Variants in PARP11 observed in about 807,000 individuals in gnomAD.
PARP11 encodes protein mono-ADP-ribosyltransferase PARP11.
PARP11 carries 31 observed loss-of-function variants against 42.9 expected under a neutral mutation model. The observed-to-expected ratio is 0.72, with a 90% CI of 0.54 to 0.98. PARP11 has a LOEUF of 0.98. PARP11 is among the 50% of genes least tolerant of loss of function. The pLI is 0.00. For missense variants in PARP11, 365 were observed against 413.1 expected (o/e 0.88, Z 1.01); for synonymous variants, 137 against 127.3 (o/e 1.08, Z -0.51).
chr12:3,812,360 A>G lies in PARP11; in HGVS notation c.780T>C (p.Ile260=). Residue 260 remains isoleucine, a synonymous_variant, in exon 8 of 8, where the codon ATT becomes ATC. Transcript: ENST00000228820. ...DDIKHGNTFQ[I]HGVSLQQRHL... The stretch of plus-strand genomic sequence containing the variant: ...GCCGCTGTTGCAAGCTGACACCATG[A>G]ATTTGGAATGTGTTCCCATGCTTTA... The G allele has an allele frequency of 6.2e-7, 1 of 1,614,172 alleles. No homozygotes were observed. Among genetic ancestry groups the G allele is most frequent in the Non-Finnish European group, 8.5e-7 (1 of 1,180,000 alleles).
In PARP11 at chr12:3,811,983, T is replaced by A; in HGVS notation, c.*140A>T. 1.6e-6 allele frequency: 1 copy of A among 643,606 alleles called. No homozygotes were observed. The highest frequency in any genetic ancestry group is 2.6e-6 in the Non-Finnish European group (1 of 387,820). 39.9% of individuals were successfully genotyped at this position (643,606 alleles called of 1,614,324 possible). A position where few individuals can be genotyped will look rare whatever the true frequency, so the allele number is the denominator to read the frequency against. On this transcript the variant is annotated 3_prime_UTR_variant, in exon 8 of 8. Transcript: ENST00000228820. ...AAACCAACCTTGAAGTCAGTATGTC[T>A]TTTTATATGGAGGCCACTTTTTTTC...
Position 3,840,717 on chromosome 12 carries a change from A to C in PARP11, c.19-10699T>G. 7.8e-7 allele frequency: 1 copy of C among 1,281,698 alleles called. No individual in the cohort carries two copies. Among genetic ancestry groups the C allele is most frequent in the East Asian group, 2.3e-5 (1 of 43,340 alleles). The allele number at this position is 1,281,698 out of a possible 1,614,324, so 79.4% of individuals were successfully genotyped here. On this transcript the variant is annotated intron_variant, in intron 1 of 7. Coordinates refer to ENST00000228820, the MANE Select transcript of PARP11 (RefSeq NM_020367.6). The surrounding 1 kb of genome is among the most constrained non-coding windows in gnomAD (Gnocchi z 4.4). ...AGAATGGATACAGAAGAACGAAAAG[A>C]CAAAGACTCTATTCATGGACATAGT...
At chr12:3,850,453 A>T (rs1565546545) in intron 1 of PARP11, among the ~76,000 whole-genome samples, 1 of 152,194 alleles carries the variant, frequency 6.6e-6, no homozygotes, top group Non-Finnish European at 1.5e-5. Context: ...TATAATATAC[A>T]GTTTATTCAA....
Position 3,812,124 on chromosome 12 carries a change from C to G in PARP11, c.1016G>C (p.Ter339SerextTer27). Residue 339 changes from the stop codon to serine, a stop_lost, in exon 8 of 8, where the codon TGA becomes TCA. Coordinates refer to ENST00000228820, the MANE Select transcript of PARP11 (RefSeq NM_020367.6). ...IYPEYLIDFH[*>S] ...GACCACCGAGATTTGGAAGTGAAAT[C>G]AATGAAAGTCTATCAAGTACTCAGG... 6.3e-7 allele frequency: 1 copy of G among 1,581,212 alleles called. No homozygotes were observed. Among genetic ancestry groups the G allele is most frequent in the Non-Finnish European group, 8.6e-7 (1 of 1,164,030 alleles).
chr12:3,823,645 G>A (rs1264391635), intron 4 of PARP11, among the ~76,000 whole-genome samples: 1 of 152,224 alleles, frequency 6.6e-6, no homozygotes, highest in African/African-American at 2.4e-5. Flanking sequence ...GCTGGGCGCG[G>A]TGGCTCATGC....
rs189849389 is a variant in PARP11, at chr12:3,847,402, T to C, written c.19-17384A>G. ...CATAGGCCAATATCACCCATGTACA[T>C]AGATGCAAAAATCCTCAATAAAATA... is the stretch of plus-strand genomic sequence containing the variant. On this transcript the variant is annotated intron_variant, in intron 1 of 7. Transcript: ENST00000228820. Among the ~76,000 whole-genome samples, 69 of 152,196 alleles carry C rather than the reference T, an allele frequency of 4.5e-4. 1 individual carries two copies. The highest frequency in any genetic ancestry group is 1.5e-3 in the African/African-American group (64 of 41,516).
intron 1 of PARP11, among the ~76,000 whole-genome samples, chr12:3,842,924 C>T (rs776570727): frequency 6.6e-6 from 1 of 152,204 alleles, no homozygotes; most frequent in African/African-American, 2.4e-5. Context: ...ATTTGACACA[C>T]TATAGATTCC....
chr12:3,846,477 T>A (rs1014774974), intron 1 of PARP11, among the ~76,000 whole-genome samples: 2 of 151,986 alleles, frequency 1.3e-5, no homozygotes, highest in Non-Finnish European at 2.9e-5. Context: ...AAAACTTGGA[T>A]TGGGCGCAGT....
chr12:3,826,566 A>G (rs1947531528), intron 3 of PARP11, among the ~76,000 whole-genome samples: 1 of 152,248 alleles, frequency 6.6e-6, no homozygotes, highest in South Asian at 2.1e-4. Flanking sequence ...AAACTTAGGA[A>G]AGCTAAGAGT....
In PARP11 at chr12:3,842,011, G is replaced by A. The variant is rs1262011925; in HGVS notation, c.19-11993C>T. 8.7e-6 allele frequency: 14 copies of A among 1,611,216 alleles called. No homozygotes were observed. The African/African-American group carries it at 1.3e-4, about 15-fold the overall frequency. Reference sequence around the variant, plus strand: ...GCAATCTTCCCAGACACGAAAGGCAGATATGGCATTGGCTTCCATCCCTCC... The same window carrying A: ...GCAATCTTCCCAGACACGAAAGGCAAATATGGCATTGGCTTCCATCCCTCC... On this transcript the variant is annotated intron_variant, in intron 1 of 7. Coordinates refer to ENST00000228820, the MANE Select transcript of PARP11 (RefSeq NM_020367.6).
chr12:3,824,565 C>T (rs1947475722), intron 4 of PARP11: 2 of 814,762 alleles, frequency 2.5e-6, no homozygotes, highest in Admixed American at 6.2e-5. Flanking sequence ...ACCTTCAACA[C>T]CCTATTGTAT....
intron 6 of PARP11, among the ~76,000 whole-genome samples, chr12:3,815,226 C>T (rs1446652306): frequency 1.3e-5 from 2 of 152,152 alleles, no homozygotes; most frequent in African/African-American, 4.8e-5. Flanking sequence ...CTCTTTAATG[C>T]CTGCTTCAAT....
At position 3,826,238 on chromosome 12, in the gene PARP11, A is replaced by G; in HGVS notation, c.269-5T>C. ...TGAGATTCATTTGCTTCATTTCTGT[A>G]TACAAAGACAAGATATTAGATAAGT... On this transcript the variant is annotated splice_polypyrimidine_tract_variant and splice_region_variant and intron_variant, in intron 3 of 7. Coordinates refer to ENST00000228820, the MANE Select transcript of PARP11 (RefSeq NM_020367.6). 1.3e-6 allele frequency: 2 copies of G among 1,576,076 alleles called. No homozygotes were observed. The highest frequency in any genetic ancestry group is 1.7e-6 in the Non-Finnish European group (2 of 1,165,640).
At position 3,830,316 on chromosome 12, in the gene PARP11, C is replaced by T. The variant is rs548890352; in HGVS notation, c.19-298G>A. ...ATAAGCACTTCAGGTTTCAGCATAG[C>T]CCCAAGCATTTTCAATTTTATCTTA... On this transcript the variant is annotated intron_variant, in intron 1 of 7. Transcript: ENST00000228820. Among the ~76,000 whole-genome samples the T allele has an allele frequency of 4.6e-5, 7 of 152,224 alleles. No homozygotes were observed. In the East Asian group the frequency reaches 1.4e-3, roughly 29 times the overall value.
intron 1 of PARP11, among the ~76,000 whole-genome samples, chr12:3,850,450 T>C (rs1415701060): frequency 6.6e-6 from 1 of 152,150 alleles, no homozygotes; most frequent in Non-Finnish European, 1.5e-5. Flanking sequence ...GAGTATAATA[T>C]ACAGTTTATT....
chr12:3,840,208 G>A lies in PARP11; in HGVS notation c.19-10190C>T. 3.1e-6 allele frequency: 5 copies of A among 1,611,202 alleles called. No individual in the cohort carries two copies. The highest frequency in any genetic ancestry group is 4.2e-6 in the Non-Finnish European group (5 of 1,177,278). ...GGATCACAATGGAAAATTTTTGAAT[G>A]CAGACGTTCAAGGAGTTCATTCTGA... On this transcript the variant is annotated intron_variant, in intron 1 of 7. Transcript: ENST00000228820. The surrounding 1 kb of genome is among the most constrained non-coding windows in gnomAD (Gnocchi z 4.4).
At chr12:3,846,253 A>G (rs970528336) in intron 1 of PARP11, among the ~76,000 whole-genome samples, 3 of 151,990 alleles carry the variant, frequency 2.0e-5, no homozygotes, top group Admixed American at 2.0e-4. Context: ...TGCATTATAT[A>G]TAAAACTGTG....
chr12:3,828,539 C>T (rs1422802717), intron 3 of PARP11, among the ~76,000 whole-genome samples: 2 of 125,032 alleles, frequency 1.6e-5, no homozygotes, highest in South Asian at 2.7e-4. Flanking sequence ...CACAGTGAGA[C>T]GTCTCAAAAA....
chr12:3,860,305 CT>C (rs909753249), intron 1 of PARP11, among the ~76,000 whole-genome samples: 1 of 152,156 alleles, frequency 6.6e-6, no homozygotes, highest in African/African-American at 2.4e-5. Flanking sequence ...AGCAATTCAG[CT>C]GCAAATGTGT....
Sources: gnomAD v4.1 joint callset for allele counts (sites outside exome capture counted in the v4.1 genomes callset) on GRCh38, gnomAD v4.1.1 for gene constraint, Gnocchi (gnomAD v3.1) non-coding constraint, MANE v1.5 for transcripts, NCBI Gene and HGNC (gene_info 2026-07-23, HGNC 2026-07-21) for gene names.